The following DEF8 variants were observed in gnomAD, a reference collection of about 807,000 sequenced individuals.
DEF8 encodes the protein differentially expressed in FDCP 8 homolog.
In DEF8, 38 loss-of-function variants were observed where a neutral mutation model predicts 59.1. That is an observed-to-expected ratio of 0.64 (90% CI 0.50 to 0.84). DEF8 has a LOEUF of 0.84. Among genes scored for constraint, DEF8 ranks in the 40% least tolerant of loss-of-function variants. DEF8 has a pLI of 0.00. For missense variants in DEF8, 557 were observed against 615.2 expected (o/e 0.91, Z 1.00); for synonymous variants, 265 against 250.1 (o/e 1.06, Z -0.56).
At chr16:89,955,937 G>T (rs980935591) in intron 4 of DEF8, among the ~76,000 whole-genome samples, 1 of 151,786 alleles carries the variant, frequency 6.6e-6, no homozygotes, top group African/African-American at 2.4e-5. Flanking sequence ...GCCGGGCGTG[G>T]TGGCACATGC....
chr16:89,949,976 C>G lies in DEF8; in HGVS notation c.-11+463C>G, dbSNP rs1049760262. 6.9e-6 allele frequency: 7 copies of G among 1,017,098 alleles called. No individual in the cohort carries two copies. In the African/African-American group the frequency reaches 1.2e-4, roughly 17 times the overall value. 63.0% of individuals were successfully genotyped at this position (1,017,098 alleles called of 1,614,324 possible). ...AAGCTAAGGCTGCGAGGCCAGCGGCCTCCCCTCATTCATCCCCTGCCCGTG... is the reference window on the plus strand; with the variant it reads ...AAGCTAAGGCTGCGAGGCCAGCGGCGTCCCCTCATTCATCCCCTGCCCGTG... On this transcript the variant is annotated intron_variant, in intron 2 of 12. Transcript: ENST00000563594.
chr16:89,964,451 C>G lies in DEF8; in HGVS notation c.1144-15C>G. On this transcript the variant is annotated splice_polypyrimidine_tract_variant and intron_variant, in intron 11 of 12. Transcript: ENST00000563594. ...CTGACGTGCCCGTGCCCCAACCCCA[C>G]ACTGTTCCCCCCAGCGGTGCCAGGC... 2.5e-6 allele frequency: 4 copies of G among 1,576,020 alleles called. No homozygotes were observed. Among genetic ancestry groups the G allele is most frequent in the South Asian group, 1.2e-5 (1 of 86,100 alleles).
chr16:89,948,760 G>A lies in DEF8; in HGVS notation c.-162G>A. On this transcript the variant is annotated 5_prime_UTR_variant, in exon 1 of 13. Transcript: ENST00000563594. ...AGCGCGGGGCTGGATCCAGCGTAGC[G>A]GGGCGGCCGGGCGGATCCAGCGCAG... 2.0e-6 allele frequency: 2 copies of A among 984,998 alleles called. No individual in the cohort carries two copies. The highest frequency in any genetic ancestry group is 4.6e-5 in the South Asian group (1 of 21,920). 61.0% of individuals were successfully genotyped at this position (984,998 alleles called of 1,614,324 possible). A position where few individuals can be genotyped will look rare whatever the true frequency, so the allele number is the denominator to read the frequency against.
At chr16:89,951,014 A>G (rs1456984989) in intron 2 of DEF8, among the ~76,000 whole-genome samples, 1 of 152,156 alleles carries the variant, frequency 6.6e-6, no homozygotes, top group Non-Finnish European at 1.5e-5. Context: ...TATAATCAAT[A>G]TTTATTGGGT....
At chr16:89,951,211 G>A (rs900974289) in intron 2 of DEF8, among the ~76,000 whole-genome samples, 2 of 151,938 alleles carry the variant, frequency 1.3e-5, no homozygotes, top group Non-Finnish European at 2.9e-5. Context: ...AGCTGGACGT[G>A]TCTGTCTTGT....
chr16:89,952,682 G>A (rs2032392646), intron 2 of DEF8: 1 of 152,336 alleles, frequency 6.6e-6, no homozygotes, highest in Non-Finnish European at 1.5e-5. Context: ...ACAGTCATCA[G>A]GTAATAAGAG....
At chr16:89,953,520 G>T (rs781131020) in intron 2 of DEF8, among the ~76,000 whole-genome samples, 1 of 152,256 alleles carries the variant, frequency 6.6e-6, no homozygotes. Flanking sequence ...GAGGCACAGA[G>T]CCGTGGGCCT....
At chr16:89,955,381 G>A (rs1597477546) in intron 4 of DEF8, 115 bp downstream of exon 4, 2 of 835,614 alleles carry the variant, frequency 2.4e-6, no homozygotes, top group Non-Finnish European at 3.9e-6. Flanking sequence ...GTGAGCTGGG[G>A]TACAGTCTCA....
In DEF8 at chr16:89,957,527, C is replaced by T; in HGVS notation, c.239C>T (p.Ser80Phe). The change falls in exon 5 of 13, where the codon TCT becomes TTT. Residue 80 changes from serine to phenylalanine, a missense_variant. Coordinates refer to ENST00000563594, the MANE Select transcript of DEF8 (RefSeq NM_001242818.2). ...CCTGGGCAGGGTCTGTTCCTGGCCT[C>T]TGACGTCCAGCAGCTGCGGCAGGCG... ...FSRPVGLFLASDVQQLRQAIE... is the reference protein window; with the variant it reads ...FSRPVGLFLAFDVQQLRQAIE... 2 of 1,590,214 alleles carry T rather than the reference C, an allele frequency of 1.3e-6. No individual in the cohort carries two copies. Among genetic ancestry groups the T allele is most frequent in the Non-Finnish European group, 1.7e-6 (2 of 1,168,744 alleles).
chr16:89,964,561 C>T lies in DEF8; in HGVS notation c.1239C>T (p.Ser413=), dbSNP rs779090904. The change falls in exon 12 of 13, where the codon TCC becomes TCT. Residue 413 remains serine (S), a synonymous_variant. Coordinates refer to ENST00000563594, the MANE Select transcript of DEF8 (RefSeq NM_001242818.2). The stretch of plus-strand genomic sequence containing the variant: ...ACACGTCTGTGTGCGCCGACTGCTC[C>T]GCGGTCTTCCACAGGTGGGTGTGGC... ...DSHTSVCADC[S]AVFHRDCYYD... is the part of the protein sequence containing the mutation. 7.6e-6 allele frequency: 12 copies of T among 1,571,862 alleles called. No homozygotes were observed. The Admixed American group carries it at 9.2e-5, about 12-fold the overall frequency.
chr16:89,965,177 A>C (rs1218780710), intron 12 of DEF8, among the ~76,000 whole-genome samples: 2 of 152,306 alleles, frequency 1.3e-5, no homozygotes, highest in East Asian at 3.9e-4. Flanking sequence ...AATTAGAAGA[A>C]AAATATTTTA....
intron 2 of DEF8, 115 bp downstream of exon 2, chr16:89,949,628 C>A: frequency 1.2e-6 from 2 of 1,611,906 alleles, no homozygotes; most frequent in East Asian, 2.2e-5. Flanking sequence ...GGGCAGGACG[C>A]GGGAGGCCAG....
intron 12 of DEF8, among the ~76,000 whole-genome samples, chr16:89,965,254 C>A (rs1319881147): frequency 6.6e-6 from 1 of 152,140 alleles, no homozygotes; most frequent in African/African-American, 2.4e-5. Flanking sequence ...CCTCACACAT[C>A]TTCCAGACCT....
chr16:89,957,303 C>G, intron 4 of DEF8: 1 of 461,206 alleles, frequency 2.2e-6, no homozygotes, highest in Non-Finnish European at 3.8e-6. Context: ...GCAGGCAGGT[C>G]AGGCTAGGAG....
In DEF8 at chr16:89,957,675, G is replaced by C; in HGVS notation, c.372+15G>C. ...AGGAGCTGAAGGTGGGTGTGGGGCC[G>C]CCCCGCCGTGGGGCAGCCTGGGGCC... On this transcript the variant is annotated intron_variant, in intron 5 of 12. Coordinates refer to ENST00000563594, the MANE Select transcript of DEF8 (RefSeq NM_001242818.2). 2 of 1,534,056 alleles carry C rather than the reference G, an allele frequency of 1.3e-6. No individual in the cohort carries two copies. Among genetic ancestry groups the C allele is most frequent in the Non-Finnish European group, 1.8e-6 (2 of 1,137,288 alleles).
At chr16:89,961,564 A>G (rs997421858) in intron 7 of DEF8, among the ~76,000 whole-genome samples, 173 bp from the exon 8 acceptor site, 5 of 152,174 alleles carry the variant, frequency 3.3e-5, no homozygotes, top group African/African-American at 1.2e-4. Flanking sequence ...TTTTACTGAT[A>G]AGAGAACAGG....
chr16:89,949,393 T>C, intron 1 of DEF8, 24 bp from the exon 2 acceptor site: 1 of 1,587,750 alleles, frequency 6.3e-7, no homozygotes. Flanking sequence ...GGAGGCACAG[T>C]GCTGGGGTGG....
chr16:89,961,646 CTGTGGTCCA>C, intron 7 of DEF8, 82 bp from the exon 8 acceptor site: 1 of 1,524,090 alleles, frequency 6.6e-7, no homozygotes, highest in South Asian at 1.1e-5. Flanking sequence ...TCCCCGAGGG[CTGTGGTCCA>C]TGGGAGGACA....
chr16:89,963,708 A>C, intron 10 of DEF8: 1 of 536,698 alleles, frequency 1.9e-6, no homozygotes, highest in Non-Finnish European at 3.3e-6. Flanking sequence ...GTTGACCACA[A>C]AACACAGTTT....
Sources: allele counts gnomAD v4.1 joint callset (sites outside exome capture counted in the v4.1 genomes callset), GRCh38; gene constraint gnomAD v4.1.1; transcripts MANE v1.5; gene names NCBI Gene and HGNC (gene_info 2026-07-23, HGNC 2026-07-21).